CDH9: variants seen among roughly 807,000 people sequenced by gnomAD.
CDH9 encodes the protein cadherin-9.
A neutral mutation model predicts 70.9 loss-of-function variants in CDH9; 28 were observed. That is an observed-to-expected ratio of 0.40 (90% CI 0.29 to 0.54). The LOEUF (loss-of-function observed/expected upper bound fraction) is 0.54. Ranked by LOEUF, CDH9 falls within the 20% of genes least tolerant of loss-of-function variation. The pLI, the probability that CDH9 is intolerant of heterozygous loss-of-function variation, is 0.59. For synonymous variants in CDH9, 409 were observed against 343.1 expected, an observed-to-expected ratio of 1.19 and a Z score of -2.12; for missense variants, 874 against 984.4, an observed-to-expected ratio of 0.89 and a Z score of 1.50.
At chr5:26,905,875 A>G in intron 5 of CDH9, 84 bp downstream of exon 5, 2 of 985,764 alleles carry the variant, frequency 2.0e-6, no homozygotes, top group Non-Finnish European at 1.6e-6. Context: ...TAGCAAAACT[A>G]CTAGTATGAA....
At chr5:26,899,824 AAACCTG>A in intron 7 of CDH9, among the ~76,000 whole-genome samples, 1 of 151,956 alleles carries the variant, frequency 6.6e-6, no homozygotes, top group African/African-American at 2.4e-5. Flanking sequence ...TCTATGTAAC[AAACCTG>A]CCGGTTAAAC....
intron 1 of CDH9, among the ~76,000 whole-genome samples, chr5:27,011,598 G>A (rs1025741978): frequency 6.6e-6 from 1 of 152,024 alleles, no homozygotes; most frequent in African/African-American, 2.4e-5. Flanking sequence ...CACCTAGTTT[G>A]TCATGCATTG....
intron 9 of CDH9, among the ~76,000 whole-genome samples, chr5:26,887,321 G>C (rs1035948926): frequency 7.3e-5 from 11 of 151,288 alleles, no homozygotes; most frequent in African/African-American, 2.7e-4. Flanking sequence ...ATAAAAAGTT[G>C]GTCTTTTAGT....
chr5:26,907,813 G>T lies in CDH9; in HGVS notation c.524-975C>A, dbSNP rs1740976699. On this transcript the variant is annotated intron_variant, in intron 3 of 11. Transcript: ENST00000231021. Reference sequence around the variant, plus strand: ...AGTATATTTTACATAATTTCTAAAAGTTTGAGTCTCACTCTTACATACATT... The same window carrying T: ...AGTATATTTTACATAATTTCTAAAATTTTGAGTCTCACTCTTACATACATT... Among the ~76,000 whole-genome samples the T allele has an allele frequency of 2.0e-5, 3 of 152,056 alleles. No homozygotes were observed. In the South Asian group the frequency reaches 6.2e-4, roughly 32 times the overall value.
At chr5:26,998,956 C>G (rs944446159) in intron 1 of CDH9, among the ~76,000 whole-genome samples, 1 of 151,892 alleles carries the variant, frequency 6.6e-6, no homozygotes. Flanking sequence ...CTTTTAAAAA[C>G]GCACATGAGG....
rs368750447 is a variant in CDH9, at chr5:26,911,772, T to C, written c.523+3858A>G. The stretch of plus-strand genomic sequence containing the variant: ...ATATATCTTTGTATATCTTCCAGAT[T>C]ATATGTTCTGATTAGAATATGCTAG... On this transcript the variant is annotated intron_variant, in intron 3 of 11. Coordinates refer to ENST00000231021, the MANE Select transcript of CDH9 (RefSeq NM_016279.4). Among the ~76,000 whole-genome samples the C allele has an allele frequency of 4.6e-5, 7 of 152,316 alleles. 1 individual carries two copies. The highest frequency in any genetic ancestry group is 1.7e-4 in the African/African-American group (7 of 41,584).
intron 2 of CDH9, among the ~76,000 whole-genome samples, chr5:26,937,493 A>G (rs1440922294): frequency 6.6e-6 from 1 of 152,144 alleles, no homozygotes; most frequent in Non-Finnish European, 1.5e-5. Context: ...GTCACAGCAT[A>G]TGATCTAGCA....
chr5:27,006,736 GAA>G (rs1742871038), intron 1 of CDH9, among the ~76,000 whole-genome samples: 1 of 152,110 alleles, frequency 6.6e-6, no homozygotes, highest in Admixed American at 6.6e-5. Context: ...CAGAATTAGG[GAA>G]AGGTGAATAG....
At chr5:26,931,094 C>G (rs1025909588) in intron 2 of CDH9, among the ~76,000 whole-genome samples, 1 of 152,068 alleles carries the variant, frequency 6.6e-6, no homozygotes, top group African/African-American at 2.4e-5. Context: ...CACGACAAAC[C>G]TGGACAAAAT....
intron 2 of CDH9, among the ~76,000 whole-genome samples, chr5:26,980,019 C>G (rs1201862201): frequency 6.6e-6 from 1 of 151,580 alleles, no homozygotes; most frequent in East Asian, 1.9e-4. Flanking sequence ...TAAATTTTTC[C>G]TAAAATTCTT....
chr5:26,923,069 T>TAAAAAAAAAAAA (rs56883597), intron 2 of CDH9, among the ~76,000 whole-genome samples: 12 of 95,018 alleles, frequency 1.3e-4, no homozygotes, highest in Non-Finnish European at 1.3e-4. Flanking sequence ...TTACATGAAT[T>TAAAAAAAAAAAA]AAAAAAAAAA....
At chr5:26,923,293 G>A (rs1452174922) in intron 2 of CDH9, among the ~76,000 whole-genome samples, 1 of 151,526 alleles carries the variant, frequency 6.6e-6, no homozygotes, top group African/African-American at 2.4e-5. Flanking sequence ...TAGATACCAA[G>A]ACGGAAATAT....
chr5:26,986,307 A>G (rs947069851), intron 2 of CDH9, among the ~76,000 whole-genome samples: 2 of 152,106 alleles, frequency 1.3e-5, no homozygotes, highest in African/African-American at 4.8e-5. Flanking sequence ...TTGTCCACGC[A>G]TAAATCCAAA....
chr5:26,922,666 G>A (rs1255491893), intron 2 of CDH9, among the ~76,000 whole-genome samples: 2 of 152,002 alleles, frequency 1.3e-5, no homozygotes, highest in Non-Finnish European at 2.9e-5. Context: ...AAACTCACTA[G>A]CAATAGTAAG....
intron 2 of CDH9, among the ~76,000 whole-genome samples, chr5:26,950,583 T>A (rs1741827961): frequency 6.6e-6 from 1 of 152,092 alleles, no homozygotes; most frequent in African/African-American, 2.4e-5. Context: ...TCACATCAGT[T>A]CCTGCTGCAT....
chr5:26,894,640 A>G (rs962190767), intron 7 of CDH9, among the ~76,000 whole-genome samples: 2 of 152,118 alleles, frequency 1.3e-5, no homozygotes, highest in African/African-American at 4.8e-5. Flanking sequence ...ATTTTCACCC[A>G]GAATAGCACA....
chr5:27,006,579 C>T (rs1047242768), intron 1 of CDH9, among the ~76,000 whole-genome samples: 4 of 152,072 alleles, frequency 2.6e-5, no homozygotes, highest in Non-Finnish European at 5.9e-5. Flanking sequence ...TTCTTCAGGG[C>T]CAGGATGTGT....
chr5:27,022,821 C>T (rs1467910012), intron 1 of CDH9, among the ~76,000 whole-genome samples: 1 of 152,050 alleles, frequency 6.6e-6, no homozygotes, highest in Non-Finnish European at 1.5e-5. Context: ...TGGTGCTAAA[C>T]CGGTCACCAA....
In CDH9 at chr5:26,903,686, T is replaced by A; in HGVS notation, c.950A>T (p.Asp317Val). ...CTGTGTATCCTTGTCAGTGATGACATCGAACATGTCTGCACCATCTCCTTC... is the reference window on the plus strand; with the variant it reads ...CTGTGTATCCTTGTCAGTGATGACAACGAACATGTCTGCACCATCTCCTTC... ...IAEGDGADMF[D>V]VITDKDTQEG... The change falls in exon 6 of 12, where the codon GAT becomes GTT. Residue 317 changes from aspartate (D) to valine (V), a missense_variant. Transcript: ENST00000231021. 6.2e-7 allele frequency: 1 copy of A among 1,610,862 alleles called. No homozygotes were observed. Among genetic ancestry groups the A allele is most frequent in the South Asian group, 1.1e-5 (1 of 90,950 alleles).
Sources: allele counts gnomAD v4.1 joint callset (sites outside exome capture counted in the v4.1 genomes callset), GRCh38; gene constraint gnomAD v4.1.1; transcripts MANE v1.5; gene names NCBI Gene and HGNC (gene_info 2026-07-23, HGNC 2026-07-21).